Variants in SCAF11 observed in about 807,000 individuals in gnomAD.
SCAF11 encodes the protein SR-related CTD associated factor 11.
In SCAF11, 47 loss-of-function variants were observed where a neutral mutation model predicts 140.5. The observed-to-expected ratio is 0.33, with a 90% confidence interval of 0.26 to 0.43. The LOEUF is 0.43. SCAF11 is among the 20% of genes least tolerant of loss of function. The pLI, the probability that SCAF11 is intolerant of heterozygous loss-of-function variation, is 1.00. For missense variants in SCAF11, 1,645 were observed against 1,705.1 expected, an observed-to-expected ratio of 0.96 and a Z score of 0.62; for synonymous variants, 557 against 579.4, an observed-to-expected ratio of 0.96 and a Z score of 0.55.
chr12:45,929,311 C>G (rs1166238694), intron 10 of SCAF11: 1 of 152,720 alleles, frequency 6.5e-6, no homozygotes, highest in East Asian at 1.9e-4. Flanking sequence ...GCATGCACTA[C>G]CATGCCCAGC....
chr12:45,972,900 A>C (rs1477768200), intron 1 of SCAF11, among the ~76,000 whole-genome samples: 7 of 5,944 alleles, frequency 1.2e-3, no homozygotes, highest in Non-Finnish European at 2.1e-3. Flanking sequence ...ATAGATATAT[A>C]TATATATAGA....
At chr12:45,965,612 CCTTAAATCAA>C (rs1483678993) in intron 1 of SCAF11, among the ~76,000 whole-genome samples, 2 of 152,178 alleles carry the variant, frequency 1.3e-5, no homozygotes, top group Non-Finnish European at 2.9e-5. Flanking sequence ...CTGCACCTGG[CCTTAAATCAA>C]CTCTTAATAT....
Position 45,927,102 on chromosome 12 carries a change from G to A in SCAF11, c.2599C>T (p.Pro867Ser), listed in dbSNP as rs1944891559. The A allele has an allele frequency of 1.2e-6, 2 of 1,613,908 alleles. No individual in the cohort carries two copies. Among genetic ancestry groups the A allele is most frequent in the African/African-American group, 1.3e-5 (1 of 74,992 alleles). The change falls in exon 11 of 15, where the codon CCA becomes TCA. Residue 867 changes from proline (P) to serine (S), a missense_variant. By Grantham distance (74) the Pro-to-Ser change is moderately conservative. This residue lies in a region of SCAF11 where 1,582 missense variants were observed against 1,609.2 expected (regional missense o/e 0.98). Coordinates refer to ENST00000369367, the MANE Select transcript of SCAF11 (RefSeq NM_004719.3). ...RERRQSQSRS[P>S]KRDTTRESRR... ...CTTTCCCTAGTAGTATCCCTTTTTGGAGACCGAGACTGAGATTGCCTCCTT... is the reference window on the plus strand; with the variant it reads ...CTTTCCCTAGTAGTATCCCTTTTTGAAGACCGAGACTGAGATTGCCTCCTT...
At chr12:45,939,802 C>CA (rs1355223165) in intron 6 of SCAF11, among the ~76,000 whole-genome samples, 1 of 152,196 alleles carries the variant, frequency 6.6e-6, no homozygotes, top group Non-Finnish European at 1.5e-5. Context: ...GATAAAGAGA[C>CA]AGACAACAGT....
chr12:45,971,612 C>A (rs1342313602), intron 1 of SCAF11, among the ~76,000 whole-genome samples: 4 of 152,020 alleles, frequency 2.6e-5, no homozygotes, highest in Non-Finnish European at 5.9e-5. Flanking sequence ...TAAGAGAATC[C>A]CTCTAAATAT....
chr12:45,922,167 T>G lies in SCAF11; in HGVS notation c.4273A>C (p.Asn1425His), dbSNP rs749966940. Reference sequence around the variant, plus strand: ...ACCAGATTTGCCACTTTAGTAGAATTTACTTCTCCACTCTTACTATGACAA... The same window carrying G: ...ACCAGATTTGCCACTTTAGTAGAATGTACTTCTCCACTCTTACTATGACAA... ...KVCHSKSGEVNSTKVANLVKA... is the reference protein window; with the variant it reads ...KVCHSKSGEVHSTKVANLVKA... The change falls in exon 15 of 15, where the codon AAT becomes CAT. Residue 1425 changes from asparagine to histidine, a missense_variant. Coordinates refer to ENST00000369367, the MANE Select transcript of SCAF11 (RefSeq NM_004719.3). 2.4e-5 allele frequency: 38 copies of G among 1,612,402 alleles called. No individual in the cohort carries two copies. The highest frequency in any genetic ancestry group is 3.1e-5 in the Non-Finnish European group (37 of 1,179,608).
chr12:45,982,332 T>C (rs1244843629), intron 1 of SCAF11, among the ~76,000 whole-genome samples: 1 of 152,158 alleles, frequency 6.6e-6, no homozygotes, highest in East Asian at 1.9e-4. Context: ...TATTCCCCAT[T>C]ATAACAGCTT....
At chr12:45,955,085 A>T in intron 3 of SCAF11, 1 of 152,188 alleles carries the variant, frequency 6.6e-6, no homozygotes, top group Non-Finnish European at 1.5e-5. Context: ...ATCACAATCT[A>T]TATAAAATGT....
At chr12:45,963,598 G>A (rs1386960593) in intron 2 of SCAF11, among the ~76,000 whole-genome samples, 3 of 152,004 alleles carry the variant, frequency 2.0e-5, no homozygotes, top group Non-Finnish European at 4.4e-5. Context: ...TTTATTTTCA[G>A]AAAGAAAATA....
chr12:45,988,112 T>G (rs1006608954), intron 1 of SCAF11, among the ~76,000 whole-genome samples: 1 of 152,168 alleles, frequency 6.6e-6, no homozygotes, highest in Non-Finnish European at 1.5e-5. Context: ...ATTAACTTAT[T>G]TTGGGGGACA....
intron 3 of SCAF11, chr12:45,956,225 T>C: frequency 1.4e-6 from 1 of 710,966 alleles, no homozygotes; most frequent in South Asian, 1.5e-5. Flanking sequence ...TTAAGACAAG[T>C]GCTTAAAGAC....
At chr12:45,970,424 A>G (rs1486535356) in intron 1 of SCAF11, among the ~76,000 whole-genome samples, 1 of 152,238 alleles carries the variant, frequency 6.6e-6, no homozygotes, top group Non-Finnish European at 1.5e-5. Flanking sequence ...ATATCACACT[A>G]TTACCAATCC....
chr12:45,966,164 C>T (rs1178201051), intron 1 of SCAF11, among the ~76,000 whole-genome samples: 1 of 151,970 alleles, frequency 6.6e-6, no homozygotes, highest in Non-Finnish European at 1.5e-5. Context: ...TGGTGACAGC[C>T]CTGGAAACCC....
At chr12:45,949,436 T>C (rs965728632) in intron 4 of SCAF11, among the ~76,000 whole-genome samples, 4 of 152,202 alleles carry the variant, frequency 2.6e-5, no homozygotes, top group Admixed American at 6.5e-5. Flanking sequence ...AAATAAAATA[T>C]ATCATTCAAT....
chr12:45,954,729 CTAGCT>C (rs1421440987), intron 3 of SCAF11: 11 of 133,782 alleles, frequency 8.2e-5, no homozygotes, highest in African/African-American at 3.5e-4. Flanking sequence ...ATCACCGTGC[CTAGCT>C]TTTTTTTTTT....
chr12:45,966,704 G>C (rs1031649018), intron 1 of SCAF11, among the ~76,000 whole-genome samples: 5 of 152,102 alleles, frequency 3.3e-5, no homozygotes, highest in Non-Finnish European at 7.3e-5. Flanking sequence ...TAGCCAATAT[G>C]AAAGTCCTAA....
intron 9 of SCAF11, 25 bp from the exon 10 acceptor site, chr12:45,931,637 T>C (rs757777284): frequency 3.9e-6 from 5 of 1,271,620 alleles, no homozygotes; most frequent in Non-Finnish European, 5.4e-6. Flanking sequence ...AAGACATTTT[T>C]GTTTAAATGG....
chr12:45,940,015 G>C (rs150991524), intron 6 of SCAF11, among the ~76,000 whole-genome samples: 92 of 152,228 alleles, frequency 6.0e-4, no homozygotes, highest in African/African-American at 2.0e-3. Context: ...TTTCTGTTGC[G>C]TGACAGACTC....
rs1164188013 is a variant in SCAF11, at chr12:45,920,872, G to A, written c.*1176C>T. 2 of 152,114 alleles carry A rather than the reference G, an allele frequency of 1.3e-5. No individual in the cohort carries two copies. Among genetic ancestry groups the A allele is most frequent in the African/African-American group, 4.8e-5 (2 of 41,322 alleles). The allele number at this position is 152,114 out of a possible 1,614,324, so 9.4% of individuals were successfully genotyped here. On this transcript the variant is annotated 3_prime_UTR_variant, in exon 15 of 15. Transcript: ENST00000369367. ...TCTTGTAATTCTTAGCCCCAAGGAA[G>A]GGAGGATAACAGCCTAACAGCAATT... is the stretch of plus-strand genomic sequence containing the variant.
Sources: allele counts gnomAD v4.1 joint callset (sites outside exome capture counted in the v4.1 genomes callset), GRCh38; gene constraint gnomAD v4.1.1; regional missense constraint gnomAD v4.1.1; transcripts MANE v1.5; gene names NCBI Gene and HGNC (gene_info 2026-07-23, HGNC 2026-07-21).